PTPRN2: variants seen among roughly 807,000 people sequenced by gnomAD.
PTPRN2 encodes receptor-type tyrosine-protein phosphatase N2.
Under a neutral mutation model 118.8 loss-of-function variants are expected in PTPRN2, and 74 were observed. The observed-to-expected ratio is 0.62, with a 90% confidence interval of 0.52 to 0.76. PTPRN2 has a LOEUF of 0.76. PTPRN2 is among the 30% of genes least tolerant of loss of function. The pLI, the probability that PTPRN2 is intolerant of heterozygous loss-of-function variation, is 0.00. For synonymous variants in PTPRN2, 641 were observed against 608.0 expected (o/e 1.05, Z -0.80); for missense variants, 1,481 against 1,394.4 (o/e 1.06, Z -0.99).
chr7:158,537,294 C>T (rs532432497), intron 1 of PTPRN2, among the ~76,000 whole-genome samples: 13 of 152,168 alleles, frequency 8.5e-5, no homozygotes, highest in Non-Finnish European at 1.9e-4. Context: ...AGAGGGATGG[C>T]TTACAAGGGC....
At chr7:158,387,892 C>T (rs183808256) in intron 2 of PTPRN2, among the ~76,000 whole-genome samples, 3 of 152,282 alleles carry the variant, frequency 2.0e-5, no homozygotes, top group African/African-American at 2.4e-5. Flanking sequence ...ATGTCAGACC[C>T]GCCAGGCCCC....
intron 10 of PTPRN2, among the ~76,000 whole-genome samples, chr7:158,083,163 G>C (rs996102850): frequency 6.6e-6 from 1 of 152,262 alleles, no homozygotes; most frequent in East Asian, 1.9e-4. Context: ...CACACCAGAC[G>C]TTTTATAGAT....
rs376157348 is a variant in PTPRN2, at chr7:158,246,906, A to G, written c.278-41633T>C. 2.4e-3 allele frequency among the ~76,000 whole-genome samples: 371 copies of G among 151,988 alleles called. 2 individuals are homozygous for G. The highest frequency in any genetic ancestry group is 8.5e-3 in the African/African-American group (350 of 41,298). ...TGGTCAAACAGGACTGAGAGGGGCT[A>G]CACCAGGAATGCGCGGCCTGTTGAG... is the stretch of plus-strand genomic sequence containing the variant. On this transcript the variant is annotated intron_variant, in intron 3 of 22. Transcript: ENST00000389418.
intron 14 of PTPRN2, among the ~76,000 whole-genome samples, chr7:157,653,206 G>A (rs1805788850): frequency 6.6e-6 from 1 of 152,212 alleles, no homozygotes; most frequent in African/African-American, 2.4e-5. Context: ...TATTTCATCG[G>A]ATCGTGGGGT....
At chr7:157,841,764 T>C (rs927445139) in intron 12 of PTPRN2, among the ~76,000 whole-genome samples, 2 of 152,140 alleles carry the variant, frequency 1.3e-5, no homozygotes, top group Non-Finnish European at 2.9e-5. Flanking sequence ...CACTACTATT[T>C]TTTCTACATT....
At chr7:158,445,493 G>A (rs114420057) in intron 2 of PTPRN2, among the ~76,000 whole-genome samples, 3 of 152,164 alleles carry the variant, frequency 2.0e-5, no homozygotes, top group African/African-American at 4.8e-5. Context: ...AGCCTGAGCC[G>A]GACCAGTGAC....
chr7:157,887,527 T>TCCCCACCATACCCAC (rs1796534739), intron 12 of PTPRN2, among the ~76,000 whole-genome samples: 1 of 12,604 alleles, frequency 7.9e-5, no homozygotes, highest in Non-Finnish European at 1.3e-4. Flanking sequence ...CAGTACCCGC[T>TCCCCACCATACCCAC]TCCCCCAGTA....
rs992890041 is a variant in PTPRN2 at position 157,801,529 on chromosome 7, T to C, written c.1788+97144A>G. On this transcript the variant is annotated intron_variant, in intron 12 of 22. Coordinates refer to ENST00000389418, the MANE Select transcript of PTPRN2 (RefSeq NM_002847.5). The surrounding 1 kb of genome is among the most constrained non-coding windows in gnomAD (Gnocchi z 4.2). ...GCACAAATCCCCATTTCTGCCCCAC[T>C]GGGTTGAGAAATCTGTGGGTGATAG... 1.3e-5 allele frequency among the ~76,000 whole-genome samples: 2 copies of C among 152,064 alleles called. No homozygotes were observed. The highest frequency in any genetic ancestry group is 2.9e-5 in the Non-Finnish European group (2 of 68,004).
At chr7:158,350,471 G>C (rs766416327) in intron 2 of PTPRN2, among the ~76,000 whole-genome samples, 9 of 152,222 alleles carry the variant, frequency 5.9e-5, no homozygotes, top group Non-Finnish European at 1.3e-4. Context: ...GTGTCTGACT[G>C]CCGTCTGCAC....
At chr7:157,655,471 CA>C (rs943432096) in intron 14 of PTPRN2, among the ~76,000 whole-genome samples, 16 of 152,190 alleles carry the variant, frequency 1.1e-4, no homozygotes, top group Admixed American at 7.8e-4. Flanking sequence ...ACTCATTAGG[CA>C]AAAATAATTT....
intron 15 of PTPRN2, among the ~76,000 whole-genome samples, chr7:157,613,538 C>G (rs55690762): frequency 0.073 from 11,180 of 152,230 alleles, 546 homozygotes; most frequent in Non-Finnish European, 0.11. Flanking sequence ...GGCGCGTCCT[C>G]AGAAGCCGGC....
chr7:158,474,391 A>C (rs1670347), intron 2 of PTPRN2, among the ~76,000 whole-genome samples: 105,632 of 152,182 alleles, frequency 0.69, 36,893 homozygotes, highest in Admixed American at 0.78. Flanking sequence ...TGGAAATATG[A>C]AAATGAGTTT....
intron 13 of PTPRN2, among the ~76,000 whole-genome samples, chr7:157,678,479 C>T (rs1473157943): frequency 1.3e-5 from 2 of 152,224 alleles, no homozygotes; most frequent in Non-Finnish European, 2.9e-5. Context: ...TGCTCTTTGT[C>T]AGAACTCAGC....
At chr7:158,382,944 C>A (rs1464222985) in intron 2 of PTPRN2, among the ~76,000 whole-genome samples, 3 of 152,156 alleles carry the variant, frequency 2.0e-5, no homozygotes, top group Non-Finnish European at 4.4e-5. Context: ...CAAAACCACA[C>A]CCCCAACCAT....
At chr7:158,130,908 G>T (rs199963679) in intron 9 of PTPRN2, among the ~76,000 whole-genome samples, 3 of 58,086 alleles carry the variant, frequency 5.2e-5, no homozygotes, top group African/African-American at 8.1e-5. Flanking sequence ...CACATCTACC[G>T]ACACACACAC....
intron 13 of PTPRN2, among the ~76,000 whole-genome samples, chr7:157,681,027 C>T (rs1480339412): frequency 7.6e-6 from 1 of 131,992 alleles, no homozygotes; most frequent in African/African-American, 2.8e-5. Context: ...TTAATTAGAG[C>T]TGTCACTGGG....
At chr7:157,995,037 AT>A (rs11322525) in intron 11 of PTPRN2, among the ~76,000 whole-genome samples, 19,765 of 19,838 alleles carry the variant, frequency 1, 9,850 homozygotes, top group Middle Eastern at 1. Flanking sequence ...TGTTCCTAAA[AT>A]TCAACGCCGT....
At chr7:158,468,610 C>T (rs1172615423) in intron 2 of PTPRN2, among the ~76,000 whole-genome samples, 1 of 152,190 alleles carries the variant, frequency 6.6e-6, no homozygotes, top group Non-Finnish European at 1.5e-5. Context: ...TTGTTTTGCA[C>T]GTAAGAAATC....
intron 14 of PTPRN2, among the ~76,000 whole-genome samples, chr7:157,646,437 C>CA (rs1254125710): frequency 6.6e-6 from 1 of 152,166 alleles, no homozygotes; most frequent in Non-Finnish European, 1.5e-5. Flanking sequence ...GAGGCCTCCC[C>CA]AGGAGCAGAG....
Sources: gnomAD v4.1 joint callset for allele counts (sites outside exome capture counted in the v4.1 genomes callset) on GRCh38, gnomAD v4.1.1 for gene constraint, Gnocchi (gnomAD v3.1) non-coding constraint, MANE v1.5 for transcripts, NCBI Gene and HGNC (gene_info 2026-07-23, HGNC 2026-07-21) for gene names.